The following DNAH17 variants were observed in gnomAD, a reference collection of about 807,000 sequenced individuals.
The protein encoded by DNAH17 is axonemal beta dynein heavy chain 17.
In DNAH17, 376 loss-of-function variants were observed where a neutral mutation model predicts 485.6. That is an observed-to-expected ratio of 0.77 (90% CI 0.71 to 0.84). The LOEUF (loss-of-function observed/expected upper bound fraction) is 0.84, where lower values mean the gene tolerates loss of function less well. Ranked by LOEUF, DNAH17 falls within the 40% of genes least tolerant of loss-of-function variation. DNAH17 has a pLI of 0.00. For synonymous variants in DNAH17, 3,031 were observed against 2,405.9 expected (o/e 1.26, Z -7.60); for missense variants, 6,370 against 5,839.3 (o/e 1.09, Z -2.96).
chr17:78,492,944 G>C, intron 41 of DNAH17, 179 bp from the exon 42 acceptor site: 1 of 559,886 alleles, frequency 1.8e-6, no homozygotes, highest in Admixed American at 3.9e-5. Flanking sequence ...CTCTGCCTCA[G>C]GGTTCAAGTG....
intron 25 of DNAH17, among the ~76,000 whole-genome samples, chr17:78,523,034 T>C (rs997222746): frequency 2.6e-5 from 4 of 152,130 alleles, no homozygotes; most frequent in African/African-American, 9.7e-5. Flanking sequence ...TTTGTATTTT[T>C]AGTAGAAACA....
chr17:78,474,346 A>G (rs1469220327), intron 54 of DNAH17, among the ~76,000 whole-genome samples: 2 of 152,274 alleles, frequency 1.3e-5, no homozygotes, highest in East Asian at 3.8e-4. Context: ...AAGCACGATG[A>G]TTCCTTCTGA....
Position 78,507,487 on chromosome 17 carries a change from G to A in DNAH17, c.4555C>T (p.Arg1519Cys), listed in dbSNP as rs377562551. Residue 1519 changes from arginine (R) to cysteine (C), a missense_variant, in exon 28 of 81, where the codon CGC (arginine) becomes TGC (cysteine). Transcript: ENST00000389840. ...AATTCCTGGTTGATGTCGTCAAAGC[G>A]CTGGGAGTCCCCCGGGAGCTGGGTG... ...IRTQLPGDSQ[R>C]FDDINQEFKA... 22 of 1,612,722 alleles carry A rather than the reference G, an allele frequency of 1.4e-5. No individual in the cohort carries two copies. Among genetic ancestry groups the A allele is most frequent in the East Asian group, 8.9e-5 (4 of 44,852 alleles).
chr17:78,432,472 G>A (rs7212019), intron 75 of DNAH17, among the ~76,000 whole-genome samples: 21,691 of 152,196 alleles, frequency 0.14, 1,698 homozygotes, highest in Middle Eastern at 0.2. Context: ...GCCAAGTCCC[G>A]GCCCAGTTCT....
intron 9 of DNAH17, among the ~76,000 whole-genome samples, chr17:78,567,638 G>A (rs1001773912): frequency 2.0e-5 from 3 of 152,122 alleles, no homozygotes; most frequent in African/African-American, 7.2e-5. Flanking sequence ...AGAAGAAAGC[G>A]GCTGGAATGC....
Position 78,475,403 on chromosome 17 carries a change from T to G in DNAH17, c.8386A>C (p.Asn2796His), listed in dbSNP as rs776181780. 1.9e-6 allele frequency: 3 copies of G among 1,613,762 alleles called. No individual in the cohort carries two copies. The Admixed American group carries it at 5.0e-5, about 27-fold the overall frequency. ...INRILESPRG[N>H]ALLVGVGGSG... is the part of the protein sequence containing the mutation. ...CCGCCCACCCCCACCAGCAGGGCAT[T>G]CCCCCGGGGAGACTCCAGGATGCGA... Residue 2796 changes from asparagine to histidine, a missense_variant, in exon 54 of 81, where the codon AAT (asparagine) becomes CAT (histidine). Asn to His is a moderately conservative substitution (Grantham distance 68). Coordinates refer to ENST00000389840, the MANE Select transcript of DNAH17 (RefSeq NM_173628.4).
Position 78,529,510 on chromosome 17 carries a change from C to G in DNAH17, c.3469G>C (p.Gly1157Arg), listed in dbSNP as rs61736293. Residue 1157 changes from glycine (G) to arginine (R), a missense_variant, in exon 22 of 81, where the codon GGG becomes CGG. Gly to Arg is a moderately radical substitution (Grantham distance 125). Coordinates refer to ENST00000389840, the MANE Select transcript of DNAH17 (RefSeq NM_173628.4). Reference sequence around the variant, plus strand: ...TGGATCTCCTCTGGCATCTCCTCCCCGTAGGTCTTGAGCAGCTCGATGGTT... The same window carrying G: ...TGGATCTCCTCTGGCATCTCCTCCCGGTAGGTCTTGAGCAGCTCGATGGTT... The part of the protein sequence containing the change: ...KQTIELLKTY[G>R]EEMPEEIHLK... 2 of 1,613,942 alleles carry G rather than the reference C, an allele frequency of 1.2e-6. No homozygotes were observed. The highest frequency in any genetic ancestry group is 8.5e-7 in the Non-Finnish European group (1 of 1,179,894).
chr17:78,489,364 T>C (rs1312840862), intron 44 of DNAH17: 1 of 152,318 alleles, frequency 6.6e-6, no homozygotes, highest in Non-Finnish European at 1.5e-5. Context: ...GCTTCATTCC[T>C]CTTGTTCCAG....
chr17:78,439,014 C>CTGGG, intron 73 of DNAH17, 76 bp downstream of exon 73: 4 of 1,542,372 alleles, frequency 2.6e-6, no homozygotes, highest in Non-Finnish European at 3.5e-6. Context: ...CTGCTTCCTT[C>CTGGG]CGGGCCTTCT....
rs779900554 is a variant in DNAH17 at position 78,486,033 on chromosome 17, G to T, written c.7202C>A (p.Pro2401His). The T allele has an allele frequency of 6.2e-7, 1 of 1,613,954 alleles. No individual in the cohort carries two copies. The highest frequency in any genetic ancestry group is 1.1e-5 in the South Asian group (1 of 91,072). The change falls in exon 46 of 81, where the codon CCT (proline) becomes CAT (histidine). Residue 2401 changes from proline (P) to histidine (H), a missense_variant. Coordinates refer to ENST00000389840, the MANE Select transcript of DNAH17 (RefSeq NM_173628.4). ...QGTIFDYYIDPDTKKFLPWTD... is the reference protein window; with the variant it reads ...QGTIFDYYIDHDTKKFLPWTD... ...CCAGGGCAGGAACTTTTTTGTGTCA[G>T]GATCAATGTAGTAGTCAAAAATCGT...
At chr17:78,467,818 G>T (rs959549861) in intron 55 of DNAH17, among the ~76,000 whole-genome samples, 2 of 152,134 alleles carry the variant, frequency 1.3e-5, no homozygotes, top group African/African-American at 2.4e-5. Context: ...AGGAGTTCAA[G>T]ACCAGCCTGG....
chr17:78,424,471 A>C (rs2086319393), intron 80 of DNAH17: 1 of 328,112 alleles, frequency 3.0e-6, no homozygotes, highest in Non-Finnish European at 5.7e-6. Flanking sequence ...TCCAGCTAAA[A>C]ATTACAGAGT....
In DNAH17 at chr17:78,495,902, A is replaced by T. The variant is rs769584535; in HGVS notation, c.5876T>A (p.Leu1959Gln). 1.2e-6 allele frequency: 2 copies of T among 1,613,822 alleles called. No homozygotes were observed. Among genetic ancestry groups the T allele is most frequent in the Non-Finnish European group, 1.7e-6 (2 of 1,179,794 alleles). The change falls in exon 38 of 81, where the codon CTG (leucine) becomes CAG (glutamine). Residue 1959 changes from leucine to glutamine, a missense_variant. Transcript: ENST00000389840. ...GAATAAGGCTTTTAGGTTCTCAGGC[A>T]GCTCCGCGCGTCCGGCGTACCCAGG... The part of the protein sequence containing the change: ...MNPGYAGRAE[L>Q]PENLKALFRP...
intron 79 of DNAH17, 154 bp from the exon 80 acceptor site, chr17:78,425,725 G>T: frequency 3.8e-6 from 2 of 523,432 alleles, no homozygotes; most frequent in Non-Finnish European, 6.4e-6. Flanking sequence ...ATGGAGCCCA[G>T]CCACCTACCA....
chr17:78,445,378 A>G (rs1485723075), intron 70 of DNAH17, among the ~76,000 whole-genome samples, 180 bp downstream of exon 70: 2 of 152,142 alleles, frequency 1.3e-5, no homozygotes, highest in Non-Finnish European at 2.9e-5. Flanking sequence ...ACGCAGAGCT[A>G]TCTGTGAGCT....
intron 30 of DNAH17, among the ~76,000 whole-genome samples, chr17:78,506,140 AT>A (rs66859821): frequency 0.19 from 24,549 of 128,282 alleles, 2,143 homozygotes; most frequent in East Asian, 0.29. Context: ...CACCTAGTTA[AT>A]TTTTTTTTTT....
Position 78,558,174 on chromosome 17 carries a change from G to A in DNAH17, c.2112C>T (p.Phe704=). The A allele has an allele frequency of 1.2e-6, 2 of 1,613,822 alleles. No individual in the cohort carries two copies. Among genetic ancestry groups the A allele is most frequent in the Non-Finnish European group, 8.5e-7 (1 of 1,179,822 alleles). ...KEIPDSAESL[F]SENETFRKFV... Reference sequence around the variant, plus strand: ...ACTTCCGGAAAGTTTCGTTCTCTGAGAACAGACTCTCCGCACTGTCTGGAA... The same window carrying A: ...ACTTCCGGAAAGTTTCGTTCTCTGAAAACAGACTCTCCGCACTGTCTGGAA... Residue 704 remains phenylalanine, a synonymous_variant, in exon 14 of 81, where the codon TTC becomes TTT. Coordinates refer to ENST00000389840, the MANE Select transcript of DNAH17 (RefSeq NM_173628.4).
rs936365446 is a variant in DNAH17 at position 78,450,722 on chromosome 17, A to G, written c.10859T>C (p.Leu3620Pro). 4 of 1,613,928 alleles carry G rather than the reference A, an allele frequency of 2.5e-6. No individual in the cohort carries two copies. Among genetic ancestry groups the G allele is most frequent in the Non-Finnish European group, 3.4e-6 (4 of 1,179,870 alleles). Residue 3620 changes from leucine (L) to proline (P), a missense_variant, in exon 67 of 81, where the codon CTG becomes CCG. Transcript: ENST00000389840. ...FLGDTALVEN[L>P]ETTKHTASEI... The stretch of plus-strand genomic sequence containing the variant: ...GCTGGCTGTGTGCTTGGTGGTCTCC[A>G]GATTCTCCACCAAGGCCGTGTCTCC...
intron 14 of DNAH17, among the ~76,000 whole-genome samples, chr17:78,557,420 C>A (rs2092048548): frequency 6.6e-6 from 1 of 152,000 alleles, no homozygotes; most frequent in Non-Finnish European, 1.5e-5. Context: ...GAGTTCGAGA[C>A]CAGCCTGGCC....
Sources: allele counts gnomAD v4.1 joint callset (sites outside exome capture counted in the v4.1 genomes callset), GRCh38; gene constraint gnomAD v4.1.1; transcripts MANE v1.5; gene names NCBI Gene and HGNC (gene_info 2026-07-23, HGNC 2026-07-21).